ALDH1A2: variants seen among roughly 807,000 people sequenced by gnomAD.
The protein encoded by ALDH1A2 is aldehyde dehydrogenase 1 family member A2.
Under a neutral mutation model 60.3 loss-of-function variants are expected in ALDH1A2, and 27 were observed. That is an observed-to-expected ratio of 0.45 (90% CI 0.33 to 0.62). The LOEUF (loss-of-function observed/expected upper bound fraction) is 0.62. Among genes scored for constraint, ALDH1A2 ranks in the 20% least tolerant of loss-of-function variants. ALDH1A2 has a pLI of 0.02. For missense variants in ALDH1A2, 581 were observed against 643.8 expected, an observed-to-expected ratio of 0.90 and a Z score of 1.06; for synonymous variants, 289 against 232.4, an observed-to-expected ratio of 1.24 and a Z score of -2.21.
chr15:58,023,062 G>A (rs1322904959), intron 1 of ALDH1A2, among the ~76,000 whole-genome samples: 3 of 152,168 alleles, frequency 2.0e-5, no homozygotes, highest in Admixed American at 6.5e-5. Flanking sequence ...GAATCTTAGT[G>A]AGATACAAGT....
chr15:57,999,367 A>G (rs1895180856), intron 4 of ALDH1A2, among the ~76,000 whole-genome samples: 1 of 152,128 alleles, frequency 6.6e-6, no homozygotes, highest in Admixed American at 6.5e-5. Context: ...ACCCCATTAA[A>G]AAGTGGGCAA....
At chr15:58,055,320 TGTA>T (rs1180099321) in intron 1 of ALDH1A2, among the ~76,000 whole-genome samples, 3 of 152,104 alleles carry the variant, frequency 2.0e-5, no homozygotes, top group African/African-American at 7.2e-5. Context: ...CTCTGAATAT[TGTA>T]GTATTAATAA....
rs139275947 is a variant in ALDH1A2 at position 57,981,170 on chromosome 15, G to T, written c.798+11535C>A. On this transcript the variant is annotated intron_variant, in intron 7 of 12. Coordinates refer to ENST00000249750, the MANE Select transcript of ALDH1A2 (RefSeq NM_003888.4). ...TATCTTTTCAAAAAACCAGCTCCTG[G>T]GTTCCTGCACTGTATTCTAAATCTA... 2.4e-3 allele frequency among the ~76,000 whole-genome samples: 361 copies of T among 151,946 alleles called. 1 individual carries two copies. The highest frequency in any genetic ancestry group is 8.4e-3 in the African/African-American group (348 of 41,408).
intron 1 of ALDH1A2, among the ~76,000 whole-genome samples, chr15:58,039,891 T>A (rs887595245): frequency 6.6e-5 from 10 of 151,780 alleles, no homozygotes. Context: ...AATCATTTCT[T>A]AGTCACCTAT....
Position 58,002,607 on chromosome 15 carries a change from A to G in ALDH1A2, c.494-7468T>C, listed in dbSNP as rs535461258. ...AATCTGAAATGTGCCAGAAATTGAGAAATTTGTCAAATATGGAAGTCAAAT... is the reference window on the plus strand; with the variant it reads ...AATCTGAAATGTGCCAGAAATTGAGGAATTTGTCAAATATGGAAGTCAAAT... On this transcript the variant is annotated intron_variant, in intron 4 of 12. Transcript: ENST00000249750. Among the ~76,000 whole-genome samples, 3 of 152,068 alleles carry G rather than the reference A, an allele frequency of 2.0e-5. No homozygotes were observed. In the South Asian group the frequency reaches 6.2e-4, roughly 32 times the overall value.
intron 1 of ALDH1A2, among the ~76,000 whole-genome samples, chr15:58,027,942 C>A (rs546565094): frequency 6.6e-6 from 1 of 152,102 alleles, no homozygotes; most frequent in East Asian, 1.9e-4. Flanking sequence ...CTGAAAGTGA[C>A]GGGGACAATG....
At chr15:58,053,833 C>G (rs1226976172) in intron 1 of ALDH1A2, among the ~76,000 whole-genome samples, 1 of 152,128 alleles carries the variant, frequency 6.6e-6, no homozygotes, top group Admixed American at 6.5e-5. Flanking sequence ...AAATTTTTCA[C>G]TCAGTACAAA....
At chr15:58,057,687 T>A (rs1429782288) in intron 1 of ALDH1A2, among the ~76,000 whole-genome samples, 1 of 152,180 alleles carries the variant, frequency 6.6e-6, no homozygotes, top group Non-Finnish European at 1.5e-5. Flanking sequence ...ACATTTAGCA[T>A]CTTCTATCAT....
chr15:57,985,154 T>A (rs1184256435), intron 7 of ALDH1A2, among the ~76,000 whole-genome samples: 1 of 152,224 alleles, frequency 6.6e-6, no homozygotes, highest in Non-Finnish European at 1.5e-5. Flanking sequence ...TCCAATGCCT[T>A]GATGTGCATA....
chr15:58,019,537 T>C (rs1895868990), intron 1 of ALDH1A2, among the ~76,000 whole-genome samples: 1 of 152,156 alleles, frequency 6.6e-6, no homozygotes, highest in Non-Finnish European at 1.5e-5. Context: ...AATATAGAAA[T>C]GCTGACTTAC....
At chr15:57,987,351 A>G (rs978905090) in intron 7 of ALDH1A2, among the ~76,000 whole-genome samples, 1 of 152,208 alleles carries the variant, frequency 6.6e-6, no homozygotes, top group African/African-American at 2.4e-5. Flanking sequence ...AAAATACACA[A>G]AAGTACATCA....
intron 1 of ALDH1A2, chr15:58,057,939 T>C (rs1896937284): frequency 1.2e-6 from 1 of 839,202 alleles, no homozygotes; most frequent in Non-Finnish European, 1.6e-6. Context: ...AAAATTAAAA[T>C]TAAATTTTAT....
intron 7 of ALDH1A2, chr15:57,990,138 T>C (rs1894845440): frequency 6.6e-6 from 1 of 151,732 alleles, no homozygotes; most frequent in African/African-American, 2.4e-5. Flanking sequence ...AGAACAAACA[T>C]ATTTTCAAAT....
At chr15:57,987,574 A>T (rs368684937) in intron 7 of ALDH1A2, among the ~76,000 whole-genome samples, 161 of 151,014 alleles carry the variant, frequency 1.1e-3, no homozygotes, top group African/African-American at 3.7e-3. Flanking sequence ...CAGAAAAAAA[A>T]GTTAGTTATT....
intron 5 of ALDH1A2, among the ~76,000 whole-genome samples, chr15:57,994,729 G>A (rs1894996340): frequency 6.6e-6 from 1 of 152,080 alleles, no homozygotes; most frequent in Non-Finnish European, 1.5e-5. Flanking sequence ...CTGGAAGGAT[G>A]GTGAGTCACA....
intron 1 of ALDH1A2, among the ~76,000 whole-genome samples, chr15:58,033,459 T>G (rs1896296676): frequency 6.6e-6 from 1 of 151,926 alleles, no homozygotes; most frequent in Non-Finnish European, 1.5e-5. Flanking sequence ...TTTTGTTTAT[T>G]CATGGTATTT....
intron 7 of ALDH1A2, among the ~76,000 whole-genome samples, chr15:57,982,775 A>G (rs1894559273): frequency 6.6e-6 from 1 of 152,180 alleles, no homozygotes; most frequent in African/African-American, 2.4e-5. Context: ...TTCATGGGAA[A>G]TCACTGTTGA....
At chr15:58,004,693 T>TG (rs1895389537) in intron 4 of ALDH1A2, among the ~76,000 whole-genome samples, 1 of 137,056 alleles carries the variant, frequency 7.3e-6, no homozygotes, top group Non-Finnish European at 1.6e-5. Context: ...ATCCCATGAT[T>TG]TGTGTGTGTG....
intron 7 of ALDH1A2, among the ~76,000 whole-genome samples, chr15:57,987,522 A>G (rs1380626075): frequency 6.6e-6 from 1 of 152,188 alleles, no homozygotes; most frequent in Non-Finnish European, 1.5e-5. Context: ...GAAGTCTTGA[A>G]AGTAAAATAA....
Sources: allele counts gnomAD v4.1 joint callset (sites outside exome capture counted in the v4.1 genomes callset), GRCh38; gene constraint gnomAD v4.1.1; transcripts MANE v1.5; gene names NCBI Gene and HGNC (gene_info 2026-07-23, HGNC 2026-07-21).